HMGB1: variants seen among roughly 807,000 people sequenced by gnomAD.
HMGB1 encodes the protein high mobility group protein B1.
For missense variants in HMGB1, 79 were observed against 253.5 expected, an observed-to-expected ratio of 0.31 and a Z score of 4.67; for synonymous variants, 81 against 84.0, an observed-to-expected ratio of 0.96 and a Z score of 0.19.
rs145691452 is a variant in HMGB1, at chr13:30,607,364, G to A, written c.-15+9307C>T. On this transcript the variant is annotated intron_variant, in intron 1 of 4. Transcript: ENST00000405805. ...TGCGAAAGGACTGGATCATGGGGGC[G>A]GCCTTCCCCCTTGCTGTTCTTGTGA... Among the ~76,000 whole-genome samples the A allele has an allele frequency of 1.5e-3, 236 of 152,276 alleles. 1 individual carries two copies. The highest frequency in any genetic ancestry group is 5.2e-3 in the African/African-American group (216 of 41,562).
chr13:30,594,367 C>A (rs2137556666), intron 1 of HMGB1, among the ~76,000 whole-genome samples: 1 of 152,264 alleles, frequency 6.6e-6, no homozygotes, highest in Non-Finnish European at 1.5e-5. Context: ...CCCTTGCCCC[C>A]TCCCTCCCGC....
chr13:30,590,964 C>T (rs1205907696), intron 1 of HMGB1, among the ~76,000 whole-genome samples: 1 of 151,664 alleles, frequency 6.6e-6, no homozygotes, highest in East Asian at 1.9e-4. Flanking sequence ...GTTATAGCAG[C>T]CTGAATAGAC....
At chr13:30,518,544 C>G (rs1251806286) in intron 1 of HMGB1, among the ~76,000 whole-genome samples, 1 of 152,074 alleles carries the variant, frequency 6.6e-6, no homozygotes, top group Non-Finnish European at 1.5e-5. Context: ...TTTAATATTC[C>G]TTAACCTCAG....
intron 1 of HMGB1, among the ~76,000 whole-genome samples, chr13:30,475,105 A>C (rs1429803301): frequency 1.0e-5 from 1 of 96,922 alleles, no homozygotes; most frequent in Non-Finnish European, 1.9e-5. Flanking sequence ...CAGTGGTGCA[A>C]CCTTGGCTCA....
chr13:30,510,796 T>C (rs531489920), intron 1 of HMGB1, among the ~76,000 whole-genome samples: 1 of 152,202 alleles, frequency 6.6e-6, no homozygotes, highest in African/African-American at 2.4e-5. Flanking sequence ...CTTGGGCATA[T>C]AGTAAGTGCT....
In HMGB1 at chr13:30,500,870, G is replaced by A. The variant is rs537203333; in HGVS notation, c.-14-37176C>T. ...TCCTGAGAAGGTGGGATGGGGTTTC[G>A]CCATGTTAGCCAGGCTGGTCTAGAA... On this transcript the variant is annotated intron_variant, in intron 1 of 4. Coordinates refer to the HMGB1 transcript ENST00000405805. Among the ~76,000 whole-genome samples, 8 of 152,010 alleles carry A rather than the reference G, an allele frequency of 5.3e-5. No homozygotes were observed. The East Asian group carries it at 7.7e-4, about 15-fold the overall frequency.
intron 1 of HMGB1, among the ~76,000 whole-genome samples, chr13:30,609,953 G>A (rs1197619176): frequency 2.0e-5 from 3 of 152,122 alleles, no homozygotes; most frequent in African/African-American, 7.2e-5. Context: ...AGTATTCCAC[G>A]ATGTACATAA....
intron 1 of HMGB1, among the ~76,000 whole-genome samples, chr13:30,483,716 C>T (rs1382733372): frequency 6.6e-6 from 1 of 150,532 alleles, no homozygotes; most frequent in Non-Finnish European, 1.5e-5. Flanking sequence ...TGGACTCAAG[C>T]GATCCTCCCT....
At chr13:30,521,202 AT>A (rs1199795545) in intron 1 of HMGB1, among the ~76,000 whole-genome samples, 1 of 152,032 alleles carries the variant, frequency 6.6e-6, no homozygotes, top group Admixed American at 6.6e-5. Flanking sequence ...TGTTGCCCTT[AT>A]TTTTTCCCAG....
intron 1 of HMGB1, among the ~76,000 whole-genome samples, chr13:30,579,278 G>C (rs1870797440): frequency 6.6e-6 from 1 of 152,080 alleles, no homozygotes; most frequent in Non-Finnish European, 1.5e-5. Context: ...TCACGCTATA[G>C]GCCATGATCC....
intron 1 of HMGB1, chr13:30,465,225 C>G (rs1203521260): frequency 3.9e-6 from 2 of 514,050 alleles, no homozygotes; most frequent in Non-Finnish European, 4.9e-6. Flanking sequence ...GGGCCGAGGC[C>G]GGCCGGGCCC....
At chr13:30,527,903 AC>A (rs1888404925) in intron 1 of HMGB1, among the ~76,000 whole-genome samples, 1 of 152,100 alleles carries the variant, frequency 6.6e-6, no homozygotes, top group South Asian at 2.1e-4. Flanking sequence ...CCTAATCTAT[AC>A]CCTCCTGCTG....
intron 1 of HMGB1, chr13:30,554,680 T>C (rs534997298): frequency 1.0e-4 from 79 of 771,042 alleles, no homozygotes; most frequent in Non-Finnish European, 5.6e-5. Context: ...CAAGATACAA[T>C]GGAAGAGAAC....
intron 1 of HMGB1, among the ~76,000 whole-genome samples, chr13:30,538,227 G>C (rs1288557888): frequency 1.3e-5 from 2 of 152,196 alleles, no homozygotes; most frequent in African/African-American, 4.8e-5. Flanking sequence ...CATGAAATCT[G>C]TGTTTCCATC....
chr13:30,538,822 TTTC>T lies in HMGB1; in HGVS notation c.-14-75131_-14-75129del, dbSNP rs762541349. Among the ~76,000 whole-genome samples the T allele has an allele frequency of 5.9e-4, 90 of 151,678 alleles. 1 individual carries two copies. In the Middle Eastern group the frequency reaches 0.024, roughly 40 times the overall value. ...TCCTTTCTCTCTCTCTCCCCCTTTC[TTTC>T]TTTTTTCTTTTTTTCGAAGATGATA... On this transcript the variant is annotated intron_variant, in intron 1 of 4. Coordinates refer to the HMGB1 transcript ENST00000405805.
At chr13:30,607,899 G>A (rs1593343465) in intron 1 of HMGB1, among the ~76,000 whole-genome samples, 1 of 152,178 alleles carries the variant, frequency 6.6e-6, no homozygotes, top group African/African-American at 2.4e-5. Flanking sequence ...CTTGTTCTGT[G>A]AGGTATACAG....
chr13:30,538,681 T>C (rs9506336), intron 1 of HMGB1, among the ~76,000 whole-genome samples: 534 of 24,056 alleles, frequency 0.022, 33 homozygotes, highest in African/African-American at 0.037. Flanking sequence ...TCTTTCTTTC[T>C]TTCCTTTCTT....
chr13:30,523,525 G>T (rs373483522), intron 1 of HMGB1, among the ~76,000 whole-genome samples: 2 of 150,570 alleles, frequency 1.3e-5, no homozygotes, highest in Non-Finnish European at 3.0e-5. Context: ...CTGAAGCCAA[G>T]TTTTTTTTTT....
chr13:30,520,394 C>A lies in HMGB1; in HGVS notation c.-14-56700G>T, dbSNP rs569267370. 5.4e-3 allele frequency among the ~76,000 whole-genome samples: 805 copies of A among 149,752 alleles called. 7 individuals are homozygous for A. The highest frequency in any genetic ancestry group is 0.019 in the African/African-American group (772 of 40,624). ...CAGCACATTGGGAGGCCGAGGCGGG[C>A]GGCTCACTTGAGGCCAGGAGTTTGG... On this transcript the variant is annotated intron_variant, in intron 1 of 4. Coordinates refer to the HMGB1 transcript ENST00000405805.
Sources: allele counts gnomAD v4.1 joint callset (sites outside exome capture counted in the v4.1 genomes callset), GRCh38; gene constraint gnomAD v4.1.1; transcripts MANE v1.5; gene names NCBI Gene and HGNC (gene_info 2026-07-23, HGNC 2026-07-21).